GABBR2: variants seen among roughly 807,000 people sequenced by gnomAD.
The protein encoded by GABBR2 is gamma-aminobutyric acid type B receptor subunit 2.
Under a neutral mutation model 105.6 loss-of-function variants are expected in GABBR2, and 23 were observed. The ratio of observed to expected loss-of-function variants is 0.22; its 90% CI spans 0.16 to 0.31. The LOEUF is 0.31. GABBR2 is among the 10% of genes least tolerant of loss of function. The pLI is 1.00. For missense variants in GABBR2, 734 were observed against 1,245.5 expected (o/e 0.59, Z 6.18); for synonymous variants, 478 against 499.7 (o/e 0.96, Z 0.58).
chr9:98,351,236 A>C (rs1382415598), intron 13 of GABBR2, among the ~76,000 whole-genome samples: 1 of 152,132 alleles, frequency 6.6e-6, no homozygotes, highest in African/African-American at 2.4e-5. Context: ...TTTACATTCA[A>C]TGTTGTTATT....
chr9:98,506,361 T>C (rs10986474), intron 3 of GABBR2, among the ~76,000 whole-genome samples: 2,709 of 152,260 alleles, frequency 0.018, 52 homozygotes, highest in Non-Finnish European at 0.029. Context: ...TGGCATATAG[T>C]AGGTGCTCAG....
chr9:98,429,711 C>T lies in GABBR2; in HGVS notation c.1237-23570G>A, dbSNP rs534802372. On this transcript the variant is annotated intron_variant, in intron 7 of 18. Transcript: ENST00000259455. ...GACAAGCCATTCACTCAGTGTCTTC[C>T]CAGGGACTTCAGAACAAAGCAGGGG... Among the ~76,000 whole-genome samples, 5 of 152,226 alleles carry T rather than the reference C, an allele frequency of 3.3e-5. No individual in the cohort carries two copies. In the East Asian group the frequency reaches 9.7e-4, roughly 29 times the overall value.
intron 1 of GABBR2, among the ~76,000 whole-genome samples, chr9:98,688,097 A>G (rs1830642372): frequency 6.6e-6 from 1 of 152,150 alleles, no homozygotes; most frequent in Non-Finnish European, 1.5e-5. Context: ...AATGAGTCAC[A>G]GTCAACAAGA....
chr9:98,687,836 G>A (rs904335503), intron 1 of GABBR2, among the ~76,000 whole-genome samples: 17 of 152,188 alleles, frequency 1.1e-4, no homozygotes, highest in African/African-American at 4.1e-4. Context: ...CAGAGGTCTT[G>A]TAATAAACAT....
At chr9:98,301,346 G>A (rs186611749) in intron 16 of GABBR2, among the ~76,000 whole-genome samples, 101 of 152,346 alleles carry the variant, frequency 6.6e-4, no homozygotes, top group African/African-American at 2.3e-3. Flanking sequence ...CCTGCTGCTC[G>A]TTGGTGGGGA....
intron 1 of GABBR2, among the ~76,000 whole-genome samples, chr9:98,621,008 A>G (rs1036901948): frequency 2.4e-4 from 36 of 151,652 alleles, no homozygotes; most frequent in Non-Finnish European, 4.3e-4. Context: ...TCAGTGGGGG[A>G]AAAAAAAGCT....
intron 1 of GABBR2, among the ~76,000 whole-genome samples, chr9:98,618,261 C>G (rs1829615674): frequency 6.6e-6 from 1 of 152,154 alleles, no homozygotes; most frequent in Admixed American, 6.5e-5. Context: ...GGAAGGGGAA[C>G]CACACTTGGC....
intron 1 of GABBR2, among the ~76,000 whole-genome samples, chr9:98,610,390 C>A (rs898240334): frequency 1.3e-5 from 2 of 152,202 alleles, no homozygotes; most frequent in Non-Finnish European, 2.9e-5. Context: ...CTTAGCACTG[C>A]GCTGGCTGAA....
At chr9:98,343,775 G>A (rs12349772) in intron 13 of GABBR2, among the ~76,000 whole-genome samples, 16 of 151,918 alleles carry the variant, frequency 1.1e-4, no homozygotes, top group African/African-American at 3.4e-4. Context: ...GGAGAATGTC[G>A]TGAACCCGGG....
intron 7 of GABBR2, among the ~76,000 whole-genome samples, chr9:98,453,024 A>G (rs1200705599): frequency 6.6e-6 from 1 of 152,070 alleles, no homozygotes; most frequent in Admixed American, 6.6e-5. Context: ...TCAACTTTCT[A>G]TGCCCTTTTT....
rs76019971 is a variant in GABBR2 at position 98,687,530 on chromosome 9, C to G, written c.321+20887G>C. Among the ~76,000 whole-genome samples, 305 of 152,262 alleles carry G rather than the reference C, an allele frequency of 2.0e-3. 1 individual carries two copies. The highest frequency in any genetic ancestry group is 7.1e-3 in the African/African-American group (294 of 41,550). On this transcript the variant is annotated intron_variant, in intron 1 of 18. Coordinates refer to ENST00000259455, the MANE Select transcript of GABBR2 (RefSeq NM_005458.8). The stretch of plus-strand genomic sequence containing the variant: ...CTGGTTGAGAAGAGGATCAGAGGAG[C>G]CTGACTAAAGTTTGGTCAAGGAGAG...
intron 11 of GABBR2, 63 bp downstream of exon 11, chr9:98,385,577 G>C: frequency 7.2e-7 from 1 of 1,394,440 alleles, no homozygotes; most frequent in Middle Eastern, 1.8e-4. Flanking sequence ...CTGTGTTTTC[G>C]ATGACTGAGG....
intron 1 of GABBR2, among the ~76,000 whole-genome samples, chr9:98,647,490 G>A (rs10987234): frequency 0.054 from 8,151 of 152,246 alleles, 837 homozygotes; most frequent in East Asian, 0.44. Context: ...CTAGCTCTGG[G>A]ATTCTGGCAA....
chr9:98,523,484 A>G (rs895578621), intron 3 of GABBR2, among the ~76,000 whole-genome samples: 16 of 152,218 alleles, frequency 1.1e-4, no homozygotes, highest in African/African-American at 3.9e-4. Context: ...AAGAAGGAGG[A>G]TAAACGTGTA....
At chr9:98,648,110 T>TAGATAGATAGATA (rs1490027326) in intron 1 of GABBR2, among the ~76,000 whole-genome samples, 6 of 108,972 alleles carry the variant, frequency 5.5e-5, no homozygotes, top group Non-Finnish European at 7.6e-5. Context: ...TGTGTGTGTG[T>TAGATAGATAGATA]GTGTGTATAG....
At chr9:98,455,761 A>G (rs1156666832) in intron 6 of GABBR2, among the ~76,000 whole-genome samples, 1 of 152,218 alleles carries the variant, frequency 6.6e-6, no homozygotes, top group African/African-American at 2.4e-5. Context: ...CACCGGGGCC[A>G]AGAAGCCAAG....
intron 7 of GABBR2, among the ~76,000 whole-genome samples, chr9:98,453,096 A>G (rs1826261024): frequency 6.6e-6 from 1 of 151,970 alleles, no homozygotes; most frequent in Non-Finnish European, 1.5e-5. Flanking sequence ...ACGCGATCTC[A>G]GCTCACTGCA....
chr9:98,673,868 G>A (rs1830439172), intron 1 of GABBR2, among the ~76,000 whole-genome samples: 1 of 152,168 alleles, frequency 6.6e-6, no homozygotes, highest in South Asian at 2.1e-4. Context: ...TGCTGCCTCT[G>A]AAGGTCATGA....
intron 13 of GABBR2, among the ~76,000 whole-genome samples, chr9:98,331,396 C>CTTTT (rs142735341): frequency 0.027 from 2,064 of 75,876 alleles, 43 homozygotes; most frequent in Non-Finnish European, 0.03. Flanking sequence ...AGTCCCTCTT[C>CTTTT]TTTTTTTTTT....
Sources: allele counts gnomAD v4.1 joint callset (sites outside exome capture counted in the v4.1 genomes callset), GRCh38; gene constraint gnomAD v4.1.1; transcripts MANE v1.5; gene names NCBI Gene and HGNC (gene_info 2026-07-23, HGNC 2026-07-21).